Variants in DLG2 observed in about 807,000 individuals in gnomAD.
DLG2 encodes the protein disks large homolog 2.
A neutral mutation model predicts 132.5 loss-of-function variants in DLG2; 45 were observed. That is an observed-to-expected ratio of 0.34 (90% CI 0.27 to 0.44). The LOEUF (loss-of-function observed/expected upper bound fraction) is 0.44, where lower values mean the gene tolerates loss of function less well. Ranked by LOEUF, DLG2 falls within the 20% of genes least tolerant of loss-of-function variation. The pLI is 1.00. For synonymous variants in DLG2, 424 were observed against 419.6 expected, an observed-to-expected ratio of 1.01 and a Z score of -0.13; for missense variants, 1,045 against 1,196.9, an observed-to-expected ratio of 0.87 and a Z score of 1.87.
At chr11:83,910,312 G>T (rs1169686096) in intron 15 of DLG2, among the ~76,000 whole-genome samples, 1 of 152,108 alleles carries the variant, frequency 6.6e-6, no homozygotes, top group East Asian at 1.9e-4. Flanking sequence ...GACATAAAAT[G>T]ACCTCAAAGC....
At chr11:85,491,672 C>T (rs933043639) in intron 3 of DLG2, among the ~76,000 whole-genome samples, 1 of 151,874 alleles carries the variant, frequency 6.6e-6, no homozygotes, top group Non-Finnish European at 1.5e-5. Flanking sequence ...AAATAAAATA[C>T]TTAGAAATAA....
intron 3 of DLG2, among the ~76,000 whole-genome samples, chr11:85,426,748 A>T (rs944002646): frequency 6.6e-6 from 1 of 152,252 alleles, no homozygotes; most frequent in Non-Finnish European, 1.5e-5. Flanking sequence ...ATACAGCTCC[A>T]CACCAGCAAT....
intron 4 of DLG2, among the ~76,000 whole-genome samples, chr11:85,165,898 A>C (rs937200372): frequency 4.6e-5 from 7 of 152,084 alleles, no homozygotes; most frequent in Non-Finnish European, 7.4e-5. Context: ...AGAACCTCCT[A>C]GTCCTCACTG....
chr11:84,200,973 T>C (rs759405923), intron 8 of DLG2, among the ~76,000 whole-genome samples: 5 of 152,170 alleles, frequency 3.3e-5, no homozygotes, highest in Non-Finnish European at 7.4e-5. Flanking sequence ...GCAGAACTTC[T>C]AATACCATGT....
At chr11:85,137,466 A>T (rs1225012602) in intron 5 of DLG2, among the ~76,000 whole-genome samples, 1 of 152,132 alleles carries the variant, frequency 6.6e-6, no homozygotes, top group Non-Finnish European at 1.5e-5. Flanking sequence ...TCACACTGCA[A>T]ATCCTGAAAT....
intron 17 of DLG2, among the ~76,000 whole-genome samples, chr11:83,823,291 A>G (rs1323887755): frequency 6.6e-6 from 1 of 152,150 alleles, no homozygotes; most frequent in African/African-American, 2.4e-5. Context: ...ACCACAGTTT[A>G]GATGTTTACA....
intron 11 of DLG2, among the ~76,000 whole-genome samples, chr11:84,013,866 CAAAAAAAAAAAAAA>C (rs5793100): frequency 1.6e-5 from 1 of 64,078 alleles, no homozygotes; most frequent in Non-Finnish European, 2.9e-5. Flanking sequence ...GACTGCGTCT[CAAAAAAAAAAAAAA>C]AAAAAAAAAA....
intron 6 of DLG2, among the ~76,000 whole-genome samples, chr11:84,748,629 A>G (rs1168768285): frequency 6.6e-6 from 1 of 152,198 alleles, no homozygotes. Flanking sequence ...GACCTAAAAC[A>G]TAAATAAATT....
chr11:84,985,612 A>G (rs972882661), intron 6 of DLG2, among the ~76,000 whole-genome samples: 43 of 152,160 alleles, frequency 2.8e-4, no homozygotes, highest in Admixed American at 8.5e-4. Flanking sequence ...CAGCAGAAGA[A>G]AGGAAATAAC....
chr11:85,445,628 C>T (rs1416154469), intron 3 of DLG2, among the ~76,000 whole-genome samples: 4 of 151,976 alleles, frequency 2.6e-5, no homozygotes, highest in African/African-American at 9.7e-5. Context: ...TGCAGTGAGC[C>T]GAGGTTGCAC....
intron 21 of DLG2, among the ~76,000 whole-genome samples, chr11:83,485,498 A>AAATC (rs2093442995): frequency 6.6e-6 from 1 of 152,170 alleles, no homozygotes; most frequent in African/African-American, 2.4e-5. Flanking sequence ...GAAAAAATTA[A>AAATC]AATCACTCCC....
chr11:85,582,867 T>G (rs2078644279), intron 3 of DLG2, among the ~76,000 whole-genome samples: 1 of 149,502 alleles, frequency 6.7e-6, no homozygotes, highest in Non-Finnish European at 1.5e-5. Flanking sequence ...AGGCATTTTG[T>G]AAGGACTGGC....
chr11:84,213,343 T>G (rs2096782789), intron 8 of DLG2, among the ~76,000 whole-genome samples: 1 of 152,208 alleles, frequency 6.6e-6, no homozygotes, highest in Non-Finnish European at 1.5e-5. Context: ...AAATGCTCTA[T>G]GAACTTAAAA....
chr11:84,947,240 G>A (rs2050333100), intron 6 of DLG2, among the ~76,000 whole-genome samples: 1 of 152,136 alleles, frequency 6.6e-6, no homozygotes, highest in Non-Finnish European at 1.5e-5. Context: ...TGTGTGGATA[G>A]TTGGTCAATG....
At chr11:85,393,624 T>TGC (rs2087001875) in intron 3 of DLG2, among the ~76,000 whole-genome samples, 2 of 118,522 alleles carry the variant, frequency 1.7e-5, no homozygotes, top group Non-Finnish European at 3.6e-5. Context: ...ATATATGGTA[T>TGC]GCATATGTGT....
intron 3 of DLG2, among the ~76,000 whole-genome samples, chr11:85,472,926 C>A (rs1478818656): frequency 1.3e-5 from 2 of 152,216 alleles, no homozygotes; most frequent in Non-Finnish European, 2.9e-5. Context: ...GAGTTGCAAC[C>A]CTTCTGGGAG....
chr11:84,233,084 T>C (rs765959470), intron 8 of DLG2, among the ~76,000 whole-genome samples: 3 of 152,136 alleles, frequency 2.0e-5, no homozygotes, highest in Non-Finnish European at 4.4e-5. Flanking sequence ...CTCCACAATT[T>C]TGAGAACTAA....
intron 3 of DLG2, among the ~76,000 whole-genome samples, chr11:85,474,054 CTA>C (rs1391677743): frequency 6.6e-6 from 1 of 151,990 alleles, no homozygotes; most frequent in Non-Finnish European, 1.5e-5. Context: ...AACTCCAACT[CTA>C]TGTTTCTTAC....
chr11:83,738,735 G>T (rs990961805), intron 18 of DLG2, among the ~76,000 whole-genome samples: 1 of 152,098 alleles, frequency 6.6e-6, no homozygotes, highest in Non-Finnish European at 1.5e-5. Flanking sequence ...ACCAAGTGTT[G>T]TCAAGCCGAC....
Sources: allele counts gnomAD v4.1 joint callset (sites outside exome capture counted in the v4.1 genomes callset), GRCh38; gene constraint gnomAD v4.1.1; transcripts MANE v1.5; gene names NCBI Gene and HGNC (gene_info 2026-07-23, HGNC 2026-07-21).